NEBL: variants seen among roughly 807,000 people sequenced by gnomAD.
NEBL encodes LIM and SH3 protein 2.
Under a neutral mutation model 140.2 loss-of-function variants are expected in NEBL, and 122 were observed. The observed-to-expected ratio is 0.87, with a 90% CI of 0.75 to 1.01. NEBL has a LOEUF of 1.01. Ranked by LOEUF, NEBL falls within the 50% of genes least tolerant of loss-of-function variation. NEBL has a pLI of 0.00. For synonymous variants in NEBL, 436 were observed against 398.9 expected (o/e 1.09, Z -1.11); for missense variants, 1,365 against 1,231.3 (o/e 1.11, Z -1.62).
chr10:21,060,755 C>G (rs1463207739), intron 2 of NEBL, among the ~76,000 whole-genome samples: 2 of 152,046 alleles, frequency 1.3e-5, no homozygotes, highest in African/African-American at 4.8e-5. Context: ...CTCATCCTTA[C>G]CCCTAAGCTG....
intron 26 of NEBL, among the ~76,000 whole-genome samples, chr10:20,789,133 A>G (rs1835696745): frequency 6.6e-6 from 1 of 152,188 alleles, no homozygotes; most frequent in Admixed American, 6.5e-5. Flanking sequence ...GGCACTGGCT[A>G]CTCACGGTAT....
At chr10:20,809,713 A>G in intron 25 of NEBL, 93 bp downstream of exon 25, 1 of 1,044,394 alleles carries the variant, frequency 9.6e-7, no homozygotes, top group Non-Finnish European at 1.5e-6. Flanking sequence ...TTTAAAATTT[A>G]CATTACACAG....
At chr10:20,837,010 C>T (rs941311700) in intron 13 of NEBL, among the ~76,000 whole-genome samples, 15 of 152,166 alleles carry the variant, frequency 9.9e-5, no homozygotes, top group Non-Finnish European at 7.3e-5. Flanking sequence ...CTCTTTCCCT[C>T]TCTTTGGGCT....
intron 2 of NEBL, among the ~76,000 whole-genome samples, chr10:21,085,554 G>C (rs1170842292): frequency 6.6e-6 from 1 of 152,164 alleles, no homozygotes; most frequent in Non-Finnish European, 1.5e-5. Context: ...AGGATCATTT[G>C]AGCCCAAGAG....
rs1564404051 is a variant in NEBL, at chr10:20,869,720, G to A, written c.582+20C>T. On this transcript the variant is annotated intron_variant, in intron 6 of 27. Transcript: ENST00000377122. ...AAAGTAAGAAATCATTTCCGTTCAAGGTTTAGAAAGAGAAGTTACATTGCT... is the reference window on the plus strand; with the variant it reads ...AAAGTAAGAAATCATTTCCGTTCAAAGTTTAGAAAGAGAAGTTACATTGCT... The A allele has an allele frequency of 3.9e-6, 6 of 1,528,034 alleles. No individual in the cohort carries two copies. In the East Asian group the frequency reaches 1.1e-4, roughly 29 times the overall value. The allele number at this position is 1,528,034 out of a possible 1,614,324, so 94.7% of individuals were successfully genotyped here.
intron 2 of NEBL, among the ~76,000 whole-genome samples, chr10:21,064,776 G>T (rs992302423): frequency 6.6e-6 from 1 of 152,078 alleles, no homozygotes; most frequent in Admixed American, 6.6e-5. Context: ...CCAACCCATT[G>T]TGTCTTAAAG....
intron 2 of NEBL, among the ~76,000 whole-genome samples, chr10:21,134,311 C>T (rs771298970): frequency 6.6e-6 from 1 of 151,950 alleles, no homozygotes; most frequent in African/African-American, 2.4e-5. Context: ...TCATGTCCTA[C>T]TCTCCTAGAC....
intron 8 of NEBL, among the ~76,000 whole-genome samples, chr10:20,859,366 AC>A (rs1484315594): frequency 1.3e-5 from 2 of 152,000 alleles, no homozygotes; most frequent in African/African-American, 4.8e-5. Context: ...TTTACAATAA[AC>A]TCAATTTCAT....
At chr10:20,969,699 C>A (rs772157375) in intron 3 of NEBL, among the ~76,000 whole-genome samples, 3 of 151,808 alleles carry the variant, frequency 2.0e-5, no homozygotes, top group Non-Finnish European at 4.4e-5. Context: ...GCGTACACCA[C>A]CACACTGAGC....
intron 2 of NEBL, among the ~76,000 whole-genome samples, chr10:21,112,032 A>G (rs1020985232): frequency 6.6e-6 from 1 of 152,240 alleles, no homozygotes; most frequent in Non-Finnish European, 1.5e-5. Context: ...AATCAAAACC[A>G]CAATGAGATA....
intron 2 of NEBL, among the ~76,000 whole-genome samples, chr10:21,065,721 T>G (rs1835503809): frequency 6.6e-6 from 1 of 152,188 alleles, no homozygotes; most frequent in Non-Finnish European, 1.5e-5. Flanking sequence ...TCTATATTAG[T>G]CTTTAATCCT....
intron 1 of NEBL, among the ~76,000 whole-genome samples, chr10:21,292,345 A>C (rs1433333866): frequency 6.6e-6 from 1 of 152,232 alleles, no homozygotes; most frequent in Non-Finnish European, 1.5e-5. Context: ...TTAATTGATA[A>C]TCATTAAATG....
At chr10:21,059,576 T>C (rs1835184950) in intron 2 of NEBL, among the ~76,000 whole-genome samples, 1 of 152,230 alleles carries the variant, frequency 6.6e-6, no homozygotes, top group African/African-American at 2.4e-5. Flanking sequence ...AAAATAAATA[T>C]TCTCAAATTA....
At chr10:21,280,500 G>A (rs1319861029) in intron 1 of NEBL, among the ~76,000 whole-genome samples, 4 of 152,218 alleles carry the variant, frequency 2.6e-5, no homozygotes, top group African/African-American at 9.6e-5. Flanking sequence ...TGTATTGGGG[G>A]TGACTGAAAA....
At chr10:21,231,426 G>A (rs555075491) in intron 3 of NEBL, among the ~76,000 whole-genome samples, 1 of 152,218 alleles carries the variant, frequency 6.6e-6, no homozygotes, top group Admixed American at 6.5e-5. Context: ...TGTAATCCCA[G>A]CTACTCGGAA....
At position 20,857,583 on chromosome 10, in the gene NEBL, G is replaced by T. The variant is rs140011102; in HGVS notation, c.903+657C>A. ...ATGGAGCCAAATGTGTCTTAGGGCTGTCAGTTACGAGAGCTAGCGAAGTCA... is the reference window on the plus strand; with the variant it reads ...ATGGAGCCAAATGTGTCTTAGGGCTTTCAGTTACGAGAGCTAGCGAAGTCA... On this transcript the variant is annotated intron_variant, in intron 9 of 27. Coordinates refer to ENST00000377122, the MANE Select transcript of NEBL (RefSeq NM_006393.3). 1.3e-3 allele frequency among the ~76,000 whole-genome samples: 205 copies of T among 152,304 alleles called. 3 individuals carry two copies. In the East Asian group the frequency reaches 0.038, roughly 28 times the overall value.
rs703100 is a variant in NEBL at position 20,888,016 on chromosome 10, G to A, written c.369+81C>T. The A allele has an allele frequency of 0.91, 911,135 of 1,006,758 alleles. 413,362 individuals are homozygous for A. Among genetic ancestry groups the A allele is most frequent in the South Asian group, 0.92 (70,439 of 76,582 alleles). 62.4% of individuals were successfully genotyped at this position (1,006,758 alleles called of 1,614,324 possible). A position where few individuals can be genotyped will look rare whatever the true frequency, so the allele number is the denominator to read the frequency against. On this transcript the variant is annotated intron_variant, in intron 4 of 27. Coordinates refer to ENST00000377122, the MANE Select transcript of NEBL (RefSeq NM_006393.3). ...GGTATTTAACACCCATGATGAAAAC[G>A]TTTTATTAAAACGCTAAGTAGCTTT...
intron 3 of NEBL, among the ~76,000 whole-genome samples, chr10:21,197,503 CCT>C (rs1841670872): frequency 6.6e-6 from 1 of 152,138 alleles, no homozygotes; most frequent in Non-Finnish European, 1.5e-5. Flanking sequence ...GCTTTGTCCC[CCT>C]GTGAAACCAT....
rs73607520 is a variant in NEBL at position 20,828,160 on chromosome 10, T to C, written c.1776+370A>G. Among the ~76,000 whole-genome samples the C allele has an allele frequency of 9.1e-3, 1,381 of 152,008 alleles. 26 individuals are homozygous for C. Among genetic ancestry groups the C allele is most frequent in the African/African-American group, 0.032 (1,311 of 41,432 alleles). On this transcript the variant is annotated intron_variant, in intron 17 of 27. Coordinates refer to ENST00000377122, the MANE Select transcript of NEBL (RefSeq NM_006393.3). ...TAGAAATTTATTAAGAATGAGTAAATGGTTAGACATATTATCAGTAAAAAC... is the reference window on the plus strand; with the variant it reads ...TAGAAATTTATTAAGAATGAGTAAACGGTTAGACATATTATCAGTAAAAAC...
Sources: gnomAD v4.1 joint callset for allele counts (sites outside exome capture counted in the v4.1 genomes callset) on GRCh38, gnomAD v4.1.1 for gene constraint, MANE v1.5 for transcripts, NCBI Gene and HGNC (gene_info 2026-07-23, HGNC 2026-07-21) for gene names.